OPCML: variants seen among roughly 807,000 people sequenced by gnomAD.
OPCML encodes opioid-binding protein/cell adhesion molecule.
A neutral mutation model predicts 37.8 loss-of-function variants in OPCML; 13 were observed. The ratio of observed to expected loss-of-function variants is 0.34; its 90% CI spans 0.22 to 0.55. The LOEUF is 0.55. Among genes scored for constraint, OPCML ranks in the 20% least tolerant of loss-of-function variants. The pLI is 0.91. For synonymous variants in OPCML, 176 were observed against 168.8 expected (o/e 1.04, Z -0.33); for missense variants, 341 against 435.6 (o/e 0.78, Z 1.93).
chr11:133,411,634 C>T (rs902086351), intron 1 of OPCML, among the ~76,000 whole-genome samples: 2 of 152,136 alleles, frequency 1.3e-5, no homozygotes, highest in African/African-American at 4.8e-5. Context: ...TGCTCCCAGG[C>T]ATTATTCCAT....
intron 1 of OPCML, among the ~76,000 whole-genome samples, chr11:133,151,536 C>A (rs1357537582): frequency 6.6e-6 from 1 of 151,892 alleles, no homozygotes; most frequent in Non-Finnish European, 1.5e-5. Flanking sequence ...TATAAAAGAG[C>A]TTTGGTATAT....
chr11:133,273,699 G>T (rs1191549407), intron 1 of OPCML, among the ~76,000 whole-genome samples: 1 of 152,142 alleles, frequency 6.6e-6, no homozygotes, highest in Non-Finnish European at 1.5e-5. Flanking sequence ...GGAAGAAGGA[G>T]CCCTCTTGGA....
intron 1 of OPCML, among the ~76,000 whole-genome samples, chr11:133,003,347 G>A (rs1947045429): frequency 6.6e-6 from 1 of 152,080 alleles, no homozygotes; most frequent in Non-Finnish European, 1.5e-5. Context: ...CCTGCTGGCT[G>A]CCCCACCCCC....
At chr11:132,955,565 T>A (rs1022501076) in intron 1 of OPCML, among the ~76,000 whole-genome samples, 2 of 152,166 alleles carry the variant, frequency 1.3e-5, no homozygotes, top group African/African-American at 2.4e-5. Flanking sequence ...TTACTCCTAG[T>A]CATTTCTAGA....
chr11:132,695,404 C>T (rs1054705618), intron 2 of OPCML, among the ~76,000 whole-genome samples: 6 of 152,066 alleles, frequency 3.9e-5, no homozygotes, highest in Admixed American at 3.3e-4. Context: ...GAGGCAGGAG[C>T]AGTATTATGG....
intron 2 of OPCML, among the ~76,000 whole-genome samples, chr11:132,827,768 C>T (rs10219331): frequency 0.3 from 45,206 of 151,740 alleles, 7,946 homozygotes; most frequent in Non-Finnish European, 0.41. Flanking sequence ...GCCTCCCCAG[C>T]AGCTAGGACT....
chr11:133,086,089 C>A (rs1164739942), intron 1 of OPCML, among the ~76,000 whole-genome samples: 1 of 152,184 alleles, frequency 6.6e-6, no homozygotes. Flanking sequence ...GCCTTTTAAT[C>A]ATATATTTCA....
chr11:132,907,445 A>G (rs1274350942), intron 2 of OPCML, among the ~76,000 whole-genome samples: 1 of 152,154 alleles, frequency 6.6e-6, no homozygotes, highest in Non-Finnish European at 1.5e-5. Context: ...ATCCTGGCCA[A>G]CATGGTGAAA....
chr11:132,513,800 A>T (rs1328852960), intron 4 of OPCML, among the ~76,000 whole-genome samples: 2 of 152,234 alleles, frequency 1.3e-5, no homozygotes, highest in African/African-American at 2.4e-5. Context: ...AACCTACAAC[A>T]TGATGAATAT....
chr11:133,337,461 T>C (rs903049900), intron 1 of OPCML, among the ~76,000 whole-genome samples: 3 of 152,164 alleles, frequency 2.0e-5, no homozygotes, highest in Non-Finnish European at 4.4e-5. Context: ...GCAGGGCCAG[T>C]AACAACAGAG....
chr11:133,470,915 C>T lies in OPCML; in HGVS notation c.61+61349G>A, dbSNP rs146135416. Among the ~76,000 whole-genome samples, 502 of 152,280 alleles carry T rather than the reference C, an allele frequency of 3.3e-3. 3 individuals are homozygous for T. Among genetic ancestry groups the T allele is most frequent in the African/African-American group, 0.012 (485 of 41,540 alleles). On this transcript the variant is annotated intron_variant, in intron 1 of 7. Coordinates refer to ENST00000524381, the MANE Select transcript of OPCML (RefSeq NM_001012393.5). Reference sequence around the variant, plus strand: ...AAACAAAGCTGGTCCCTGACACAGACTCTCTGAAAAGGCAGAGAGTTGGCA... The same window carrying T: ...AAACAAAGCTGGTCCCTGACACAGATTCTCTGAAAAGGCAGAGAGTTGGCA...
rs68143578 is a variant in OPCML at position 132,441,165 on chromosome 11, G to GTTTTTTTTTTTTTTTTTTTTTTTTTT, written c.506-3807_506-3806insAAAAAAAAAAAAAAAAAAAAAAAAAA. Among the ~76,000 whole-genome samples, 25 of 72,398 alleles carry GTTTTTTTTTTTTTTTTTTTTTTTTTT rather than the reference G, an allele frequency of 3.5e-4. 3 individuals carry two copies. The highest frequency in any genetic ancestry group is 6.0e-4 in the South Asian group (1 of 1,668). The allele number at this position is 72,398 out of a possible 152,430, so 47.5% of individuals were successfully genotyped here. ...AGATGTGTTCACCAAGGACTTTTTT[G>GTTTTTTTTTTTTTTTTTTTTTTTTTT]TTTTTTTTTTTTTTTTTTTTGAGAC... On this transcript the variant is annotated intron_variant, in intron 4 of 7. Transcript: ENST00000524381.
At chr11:132,822,742 T>TA (rs1313964314) in intron 2 of OPCML, among the ~76,000 whole-genome samples, 1 of 152,192 alleles carries the variant, frequency 6.6e-6, no homozygotes, top group Non-Finnish European at 1.5e-5. Context: ...ACTGCATGCA[T>TA]ATGTTCACAC....
chr11:133,141,033 C>CGAAGACGAAGAA (rs1399038604), intron 1 of OPCML, among the ~76,000 whole-genome samples: 3 of 5,386 alleles, frequency 5.6e-4, no homozygotes, highest in Admixed American at 3.4e-3. Context: ...ACGACGACGA[C>CGAAGACGAAGAA]GACGACGACG....
In OPCML at chr11:132,428,567, A is replaced by G. The variant is rs1364457176; in HGVS notation, c.916+7519T>C. Among the ~76,000 whole-genome samples the G allele has an allele frequency of 6.6e-5, 10 of 152,304 alleles. No homozygotes were observed. The South Asian group carries it at 2.1e-3, about 32-fold the overall frequency. ...AGAGTCCAGAAAGTATGCACTCATCAGGCAGAGAAGAGGGCACAAGCCTGC... is the reference window on the plus strand; with the variant it reads ...AGAGTCCAGAAAGTATGCACTCATCGGGCAGAGAAGAGGGCACAAGCCTGC... On this transcript the variant is annotated intron_variant, in intron 7 of 7. Coordinates refer to ENST00000524381, the MANE Select transcript of OPCML (RefSeq NM_001012393.5).
intron 2 of OPCML, among the ~76,000 whole-genome samples, chr11:132,794,259 C>T (rs966745078): frequency 1.3e-5 from 2 of 152,152 alleles, no homozygotes; most frequent in Non-Finnish European, 2.9e-5. Flanking sequence ...CACTTATCAC[C>T]TTTTATTCTG....
chr11:133,096,146 GTGTGTGTGTT>G (rs1948999372), intron 1 of OPCML, among the ~76,000 whole-genome samples: 1 of 151,700 alleles, frequency 6.6e-6, no homozygotes, highest in East Asian at 1.9e-4. Context: ...GTGTGTGTGT[GTGTGTGTGTT>G]TATGTGTAAG....
At chr11:133,342,454 T>A (rs1307325039) in intron 1 of OPCML, among the ~76,000 whole-genome samples, 1 of 152,108 alleles carries the variant, frequency 6.6e-6, no homozygotes, top group Non-Finnish European at 1.5e-5. Context: ...GCAGGGAAAA[T>A]CACTTTCAAC....
At chr11:132,806,515 G>A (rs891184028) in intron 2 of OPCML, among the ~76,000 whole-genome samples, 3 of 152,078 alleles carry the variant, frequency 2.0e-5, no homozygotes, top group South Asian at 4.1e-4. Context: ...GAGATCATGT[G>A]AAATAGTGCA....
Sources: allele counts gnomAD v4.1 joint callset (sites outside exome capture counted in the v4.1 genomes callset), GRCh38; gene constraint gnomAD v4.1.1; transcripts MANE v1.5; gene names NCBI Gene and HGNC (gene_info 2026-07-23, HGNC 2026-07-21).